Variants in DLGAP1 observed in about 807,000 individuals in gnomAD.
DLGAP1 encodes disks large-associated protein 1.
A neutral mutation model predicts 90.8 loss-of-function variants in DLGAP1; 11 were observed. The observed-to-expected ratio is 0.12, with a 90% CI of 0.08 to 0.20. The LOEUF is 0.20. Among genes scored for constraint, DLGAP1 ranks in the 10% least tolerant of loss-of-function variants. The pLI, the probability that DLGAP1 is intolerant of heterozygous loss-of-function variation, is 1.00. For missense variants in DLGAP1, 1,050 were observed against 1,333.8 expected (o/e 0.79, Z 3.31); for synonymous variants, 558 against 540.7 (o/e 1.03, Z -0.44).
At chr18:4,151,030 G>A (rs914917697) in intron 2 of DLGAP1, 150 bp downstream of exon 2, 2 of 152,154 alleles carry the variant, frequency 1.3e-5, no homozygotes, top group Non-Finnish European at 1.5e-5. Flanking sequence ...TCAACAGACT[G>A]TTAATATGTC....
intron 1 of DLGAP1, among the ~76,000 whole-genome samples, chr18:4,199,157 G>A (rs530298800): frequency 2.0e-5 from 3 of 152,334 alleles, no homozygotes; most frequent in African/African-American, 7.2e-5. Context: ...CTGTGTGCAA[G>A]CTGCTCGGGG....
chr18:4,339,517 C>T (rs1210310108), intron 1 of DLGAP1, among the ~76,000 whole-genome samples: 1 of 152,072 alleles, frequency 6.6e-6, no homozygotes, highest in Non-Finnish European at 1.5e-5. Flanking sequence ...GTAAAAAATA[C>T]AGTCTATACA....
At chr18:3,550,547 T>C (rs962794551) in intron 9 of DLGAP1, among the ~76,000 whole-genome samples, 1 of 152,060 alleles carries the variant, frequency 6.6e-6, no homozygotes, top group African/African-American at 2.4e-5. Flanking sequence ...AAACAGGTGA[T>C]TGAGGCCCCA....
chr18:3,515,343 C>CG (rs2050770775), intron 10 of DLGAP1, among the ~76,000 whole-genome samples: 2 of 151,642 alleles, frequency 1.3e-5, no homozygotes, highest in Non-Finnish European at 2.9e-5. Flanking sequence ...TGGTGGCGGG[C>CG]ACTGTAGACC....
intron 1 of DLGAP1, among the ~76,000 whole-genome samples, chr18:4,285,045 A>G (rs2079652291): frequency 1.2e-5 from 1 of 80,908 alleles, no homozygotes; most frequent in Non-Finnish European, 3.3e-5. Flanking sequence ...TTTTTTTTAC[A>G]AAAATAATGA....
intron 1 of DLGAP1, among the ~76,000 whole-genome samples, chr18:4,292,756 C>T (rs2079883352): frequency 6.6e-6 from 1 of 152,120 alleles, no homozygotes; most frequent in Admixed American, 6.6e-5. Context: ...TCTTTTCTCT[C>T]CCCTGGGAAA....
intron 1 of DLGAP1, among the ~76,000 whole-genome samples, chr18:4,157,506 G>A (rs1238221024): frequency 1.3e-5 from 2 of 152,182 alleles, no homozygotes; most frequent in East Asian, 3.8e-4. Context: ...TTGTGTATAA[G>A]AGATTTCAAG....
In DLGAP1 at chr18:3,517,253, C is replaced by G. The variant is rs920964561; in HGVS notation, c.2480-8592G>C. Among the ~76,000 whole-genome samples, 2 of 152,176 alleles carry G rather than the reference C, an allele frequency of 1.3e-5. No homozygotes were observed. Among genetic ancestry groups the G allele is most frequent in the African/African-American group, 4.8e-5 (2 of 41,422 alleles). ...GCCCCTAACAAGAGAGTGAGCCTGT[C>G]CTTTGAAGCTATGAAAGACCTACAT... On this transcript the variant is annotated intron_variant, in intron 10 of 12. Transcript: ENST00000315677. This position sits in a 1 kb window ranked among gnomAD's most constrained non-coding sequence, Gnocchi z 4.1.
rs191215506 is a variant in DLGAP1 at position 3,511,248 on chromosome 18, C to A, written c.2480-2587G>T. Among the ~76,000 whole-genome samples, 1,223 of 151,640 alleles carry A rather than the reference C, an allele frequency of 8.1e-3. 11 individuals carry two copies. The highest frequency in any genetic ancestry group is 0.014 in the Middle Eastern group (4 of 294). On this transcript the variant is annotated intron_variant, in intron 10 of 12. Coordinates refer to ENST00000315677, the MANE Select transcript of DLGAP1 (RefSeq NM_004746.4). ...TCTTTTCCGGAGAACTAAAAACTCA[C>A]TTTAATTTTAAGAAAGAAGCTGTAA...
intron 1 of DLGAP1, among the ~76,000 whole-genome samples, chr18:4,181,243 T>C (rs913493614): frequency 2.0e-5 from 3 of 152,308 alleles, no homozygotes; most frequent in Non-Finnish European, 4.4e-5. Context: ...TGTGATGAAC[T>C]CATTTCTTGG....
rs532722662 is a variant in DLGAP1, at chr18:3,559,252, T to C, written c.2057+8238A>G. ...TTTAGAAATAACTCGAAGAACAGTT[T>C]TTACATTTTATTTTCACATTGAAAA... On this transcript the variant is annotated intron_variant, in intron 9 of 12. Coordinates refer to ENST00000315677, the MANE Select transcript of DLGAP1 (RefSeq NM_004746.4). Among the ~76,000 whole-genome samples the C allele has an allele frequency of 2.0e-5, 3 of 152,316 alleles. No individual in the cohort carries two copies. In the South Asian group the frequency reaches 6.2e-4, roughly 32 times the overall value.
At chr18:3,946,320 T>C (rs2072877859) in intron 3 of DLGAP1, among the ~76,000 whole-genome samples, 2 of 152,204 alleles carry the variant, frequency 1.3e-5, no homozygotes, top group Non-Finnish European at 2.9e-5. Flanking sequence ...ATAGGGACTG[T>C]AGCTTGGTTC....
chr18:3,987,312 G>T (rs567775774), intron 3 of DLGAP1, among the ~76,000 whole-genome samples: 1 of 152,036 alleles, frequency 6.6e-6, no homozygotes, highest in Admixed American at 6.5e-5. Flanking sequence ...CCATTTCCTC[G>T]ATTGTTTGGA....
At chr18:3,569,079 G>A (rs997023887) in intron 8 of DLGAP1, among the ~76,000 whole-genome samples, 12 of 151,686 alleles carry the variant, frequency 7.9e-5, no homozygotes, top group Admixed American at 2.6e-4. Flanking sequence ...CTCAGCTCCT[G>A]CAACCTCCGC....
intron 4 of DLGAP1, among the ~76,000 whole-genome samples, chr18:3,819,034 G>A (rs904419789): frequency 3.4e-4 from 51 of 151,946 alleles, no homozygotes; most frequent in African/African-American, 9.6e-4. Context: ...ACACACGGCC[G>A]GACGCGGTGG....
chr18:4,223,970 T>C (rs1347991877), intron 1 of DLGAP1, among the ~76,000 whole-genome samples: 4 of 152,216 alleles, frequency 2.6e-5, no homozygotes, highest in African/African-American at 9.6e-5. Context: ...ATCATTTAGA[T>C]ACAACTTGGA....
chr18:3,764,761 C>G (rs2064139310), intron 5 of DLGAP1, among the ~76,000 whole-genome samples: 1 of 152,180 alleles, frequency 6.6e-6, no homozygotes, highest in Non-Finnish European at 1.5e-5. Context: ...TAAAATATCA[C>G]CAATAGTAAT....
chr18:3,660,808 A>C lies in DLGAP1; in HGVS notation c.1591+68327T>G, dbSNP rs1280921203. On this transcript the variant is annotated intron_variant, in intron 7 of 12. Transcript: ENST00000315677. The surrounding 1 kb of genome is among the most constrained non-coding windows in gnomAD (Gnocchi z 4.2). ...TACTTGGAGACAAAATTACGCCCTA[A>C]ATGGACTTCAAGAAATATTAGTTAA... Among the ~76,000 whole-genome samples, 1 of 152,208 alleles carries C rather than the reference A, an allele frequency of 6.6e-6. No homozygotes were observed. Among genetic ancestry groups the C allele is most frequent in the Non-Finnish European group, 1.5e-5 (1 of 68,042 alleles).
intron 1 of DLGAP1, among the ~76,000 whole-genome samples, chr18:4,168,456 C>T (rs577589487): frequency 6.6e-6 from 1 of 152,288 alleles, no homozygotes; most frequent in East Asian, 1.9e-4. Flanking sequence ...ATTCTAAGTA[C>T]ATTAAAAATG....
Sources: allele counts gnomAD v4.1 joint callset (sites outside exome capture counted in the v4.1 genomes callset), GRCh38; gene constraint gnomAD v4.1.1; non-coding constraint Gnocchi (gnomAD v3.1); transcripts MANE v1.5; gene names NCBI Gene and HGNC (gene_info 2026-07-23, HGNC 2026-07-21).